SEMA3A: variants seen among roughly 807,000 people sequenced by gnomAD.
SEMA3A encodes the protein semaphorin-3A.
Under a neutral mutation model 97.9 loss-of-function variants are expected in SEMA3A, and 29 were observed. The observed-to-expected ratio is 0.30, with a 90% CI of 0.22 to 0.40. The LOEUF is 0.40. SEMA3A is among the 10% of genes least tolerant of loss of function. The pLI, the probability that SEMA3A is intolerant of heterozygous loss-of-function variation, is 1.00. For synonymous variants in SEMA3A, 321 were observed against 323.7 expected (o/e 0.99, Z 0.09); for missense variants, 763 against 951.3 (o/e 0.80, Z 2.60).
intron 15 of SEMA3A, among the ~76,000 whole-genome samples, chr7:83,975,538 G>C (rs989080376): frequency 6.6e-6 from 1 of 152,050 alleles, no homozygotes; most frequent in South Asian, 2.1e-4. Context: ...CATGTATCTA[G>C]ATTATAACTT....
At chr7:84,454,425 A>T (rs1346890574) in intron 1 of SEMA3A, among the ~76,000 whole-genome samples, 1 of 152,122 alleles carries the variant, frequency 6.6e-6, no homozygotes, top group African/African-American at 2.4e-5. Context: ...CCACCTGTGT[A>T]TAGAGGAGCT....
intron 1 of SEMA3A, among the ~76,000 whole-genome samples, chr7:84,139,723 G>C (rs1258604602): frequency 6.6e-6 from 1 of 152,018 alleles, no homozygotes; most frequent in African/African-American, 2.4e-5. Context: ...ACTCTCTTGT[G>C]ATGTAGTTTC....
intron 4 of SEMA3A, among the ~76,000 whole-genome samples, chr7:84,071,263 A>G (rs1178429512): frequency 6.6e-6 from 1 of 152,126 alleles, no homozygotes; most frequent in Non-Finnish European, 1.5e-5. Context: ...TTTCCATTGA[A>G]CAACACGTGT....
At chr7:84,150,635 A>G (rs1246790220) in intron 1 of SEMA3A, among the ~76,000 whole-genome samples, 1 of 152,152 alleles carries the variant, frequency 6.6e-6, no homozygotes, top group Non-Finnish European at 1.5e-5. Flanking sequence ...TCTGAGATCA[A>G]ACTGCAAGGC....
chr7:84,094,263 G>A (rs1794682233), intron 4 of SEMA3A, among the ~76,000 whole-genome samples: 1 of 151,946 alleles, frequency 6.6e-6, no homozygotes, highest in African/African-American at 2.4e-5. Flanking sequence ...CCATCTTTGA[G>A]GCAAACGTCC....
intron 2 of SEMA3A, among the ~76,000 whole-genome samples, chr7:84,364,134 A>C (rs745748358): frequency 6.6e-6 from 1 of 151,750 alleles, no homozygotes; most frequent in African/African-American, 2.4e-5. Flanking sequence ...TAATAAATAT[A>C]TATTATAAAA....
chr7:83,971,364 A>G (rs1788904552), intron 15 of SEMA3A, among the ~76,000 whole-genome samples: 2 of 151,920 alleles, frequency 1.3e-5, no homozygotes, highest in African/African-American at 4.8e-5. Flanking sequence ...CCCGGGACGC[A>G]GAGGTTGCAT....
At chr7:84,306,892 C>T (rs1463795807) in intron 3 of SEMA3A, among the ~76,000 whole-genome samples, 3 of 152,012 alleles carry the variant, frequency 2.0e-5, no homozygotes, top group Admixed American at 1.3e-4. Flanking sequence ...TATCTCTGCT[C>T]TGTGGCTCCT....
chr7:84,352,437 C>T (rs1253796819), intron 2 of SEMA3A, among the ~76,000 whole-genome samples: 1 of 151,286 alleles, frequency 6.6e-6, no homozygotes, highest in Non-Finnish European at 1.5e-5. Context: ...ATAGATACCC[C>T]ATTTACCTTG....
intron 1 of SEMA3A, among the ~76,000 whole-genome samples, chr7:84,192,013 A>G (rs927343910): frequency 6.6e-6 from 1 of 151,950 alleles, no homozygotes; most frequent in East Asian, 1.9e-4. Context: ...ATAAGTAGAA[A>G]GTAAGCACAG....
intron 6 of SEMA3A, among the ~76,000 whole-genome samples, chr7:84,039,994 A>G (rs1375603774): frequency 6.6e-6 from 1 of 152,072 alleles, no homozygotes; most frequent in East Asian, 1.9e-4. Context: ...ATAATAGTAG[A>G]GTAGATATAT....
intron 3 of SEMA3A, among the ~76,000 whole-genome samples, chr7:84,210,223 T>A (rs752504348): frequency 6.6e-6 from 1 of 152,040 alleles, no homozygotes; most frequent in Non-Finnish European, 1.5e-5. Flanking sequence ...CCCAATCTAA[T>A]GAGGGAAAGA....
chr7:84,473,464 G>A (rs918114380), intron 1 of SEMA3A, among the ~76,000 whole-genome samples: 79 of 150,704 alleles, frequency 5.2e-4, no homozygotes, highest in African/African-American at 1.8e-3. Flanking sequence ...GCACATTCTC[G>A]GCTCATTGCA....
intron 1 of SEMA3A, among the ~76,000 whole-genome samples, chr7:84,174,007 A>G (rs980397962): frequency 6.6e-6 from 1 of 152,218 alleles, no homozygotes; most frequent in Non-Finnish European, 1.5e-5. Context: ...TTGCTAATAA[A>G]GATTAACATT....
intron 2 of SEMA3A, among the ~76,000 whole-genome samples, chr7:84,334,114 C>T (rs1483412930): frequency 6.6e-6 from 1 of 152,058 alleles, no homozygotes; most frequent in Non-Finnish European, 1.5e-5. Flanking sequence ...ACAAACTAAA[C>T]TTTGATCACT....
chr7:84,171,636 A>G (rs182518603), intron 1 of SEMA3A, among the ~76,000 whole-genome samples: 56 of 152,304 alleles, frequency 3.7e-4, no homozygotes, highest in Non-Finnish European at 6.6e-4. Context: ...GTTTCTACAA[A>G]TAATATCTTA....
chr7:84,273,484 T>C (rs1354996461), intron 3 of SEMA3A, among the ~76,000 whole-genome samples: 1 of 152,142 alleles, frequency 6.6e-6, no homozygotes, highest in Admixed American at 6.6e-5. Context: ...ATAAAGTGAA[T>C]TTTACTTAGG....
intron 1 of SEMA3A, among the ~76,000 whole-genome samples, chr7:84,423,632 T>C (rs924678515): frequency 2.6e-5 from 4 of 152,104 alleles, no homozygotes; most frequent in Admixed American, 2.6e-4. Flanking sequence ...TATCTATATG[T>C]TCATTTGTTC....
intron 1 of SEMA3A, among the ~76,000 whole-genome samples, chr7:84,180,173 C>A (rs909188194): frequency 6.7e-6 from 1 of 150,176 alleles, no homozygotes; most frequent in Non-Finnish European, 1.5e-5. Context: ...CTCTAACTCC[C>A]GACCTCAGGT....
Sources: allele counts gnomAD v4.1 joint callset (sites outside exome capture counted in the v4.1 genomes callset), GRCh38; gene constraint gnomAD v4.1.1; transcripts MANE v1.5; gene names NCBI Gene and HGNC (gene_info 2026-07-23, HGNC 2026-07-21).